LPP: variants seen among roughly 807,000 people sequenced by gnomAD.
The protein encoded by LPP is lipoma-preferred partner.
Under a neutral mutation model 60.4 loss-of-function variants are expected in LPP, and 38 were observed. The ratio of observed to expected loss-of-function variants is 0.63; its 90% CI spans 0.49 to 0.83. The LOEUF is 0.83. Among genes scored for constraint, LPP ranks in the 40% least tolerant of loss-of-function variants. The probability of loss-of-function intolerance (pLI) is 0.00; values close to 1 mark genes in which losing one functional copy is unlikely to be tolerated. For synonymous variants in LPP, 328 were observed against 290.8 expected, an observed-to-expected ratio of 1.13 and a Z score of -1.30; for missense variants, 902 against 783.6, an observed-to-expected ratio of 1.15 and a Z score of -1.80.
At chr3:188,313,491 A>T (rs779512273) in intron 2 of LPP, among the ~76,000 whole-genome samples, 4 of 152,098 alleles carry the variant, frequency 2.6e-5, no homozygotes, top group Admixed American at 1.3e-4. Flanking sequence ...TACAAAAATT[A>T]GCCAAGTGTG....
chr3:188,391,405 T>C (rs1396332504), intron 3 of LPP, among the ~76,000 whole-genome samples: 1 of 152,208 alleles, frequency 6.6e-6, no homozygotes, highest in East Asian at 1.9e-4. Context: ...ATTTGCTTGA[T>C]GAATTTGAAC....
intron 3 of LPP, among the ~76,000 whole-genome samples, chr3:188,398,671 G>A (rs1781532285): frequency 6.6e-6 from 1 of 152,226 alleles, no homozygotes; most frequent in African/African-American, 2.4e-5. Context: ...TAACAATTGT[G>A]TGTAATTTTC....
intron 1 of LPP, among the ~76,000 whole-genome samples, chr3:188,187,407 C>T (rs1247604736): frequency 6.6e-6 from 1 of 151,966 alleles, no homozygotes; most frequent in Non-Finnish European, 1.5e-5. Context: ...TGTAGTTGTT[C>T]AGAGTCATTC....
chr3:188,501,753 C>A lies in LPP; in HGVS notation c.306+17049C>A, dbSNP rs148538398. Among the ~76,000 whole-genome samples, 397 of 135,444 alleles carry A rather than the reference C, an allele frequency of 2.9e-3. 1 individual carries two copies. Among genetic ancestry groups the A allele is most frequent in the African/African-American group, 0.011 (380 of 35,736 alleles). The allele number at this position is 135,444 out of a possible 152,430, so 88.9% of individuals were successfully genotyped here. ...GACTCCATCTCAAAAAAAACAAAAA[C>A]CAAAAAACAAAATATTAGCCGGGCG... On this transcript the variant is annotated intron_variant, in intron 5 of 11. Coordinates refer to ENST00000617246, the MANE Select transcript of LPP (RefSeq NM_001375462.1).
intron 1 of LPP, among the ~76,000 whole-genome samples, chr3:188,177,621 G>A (rs539520379): frequency 3.3e-5 from 5 of 152,154 alleles, no homozygotes; most frequent in African/African-American, 9.7e-5. Context: ...TAGGTCTTAC[G>A]TGAGCCTCAG....
chr3:188,805,533 T>C (rs1184225447), intron 9 of LPP, among the ~76,000 whole-genome samples: 3 of 150,706 alleles, frequency 2.0e-5, no homozygotes, highest in Non-Finnish European at 4.4e-5. Context: ...GATTTTTTTT[T>C]CACAAAAGAA....
chr3:188,325,164 A>G (rs942446069), intron 2 of LPP, among the ~76,000 whole-genome samples: 1 of 152,042 alleles, frequency 6.6e-6, no homozygotes, highest in African/African-American at 2.4e-5. Context: ...TATTTTTAGT[A>G]GAGATGGGTT....
At chr3:188,247,066 G>A (rs1027068242) in intron 2 of LPP, 3 of 345,480 alleles carry the variant, frequency 8.7e-6, no homozygotes, top group Non-Finnish European at 1.2e-5. Context: ...AGACCTGTGT[G>A]TGACTGAGTT....
intron 6 of LPP, among the ~76,000 whole-genome samples, chr3:188,548,926 T>C (rs1010019950): frequency 6.6e-5 from 10 of 152,146 alleles, no homozygotes; most frequent in African/African-American, 2.4e-4. Flanking sequence ...ATCTAGGTAG[T>C]AGGAATAGGT....
chr3:188,775,055 GTT>G (rs58627957), intron 9 of LPP, among the ~76,000 whole-genome samples: 5 of 136,656 alleles, frequency 3.7e-5, no homozygotes, highest in African/African-American at 1.1e-4. Flanking sequence ...CATGCTTAGT[GTT>G]TTTTTTTTTT....
intron 6 of LPP, among the ~76,000 whole-genome samples, chr3:188,571,245 A>T (rs941769696): frequency 6.6e-6 from 1 of 152,104 alleles, no homozygotes. Context: ...ATTCATGTTC[A>T]TGTATAAACA....
intron 7 of LPP, among the ~76,000 whole-genome samples, chr3:188,649,660 T>G (rs1189903960): frequency 6.6e-6 from 1 of 152,192 alleles, no homozygotes; most frequent in South Asian, 2.1e-4. Flanking sequence ...GAAGGTTTTT[T>G]TTTATTATTA....
rs1331337213 is a variant in LPP, at chr3:188,602,163, TA to T, written c.430-6996del. On this transcript the variant is annotated intron_variant, in intron 6 of 11. Transcript: ENST00000617246. Reference sequence around the variant, plus strand: ...ATCTCATATATATATAATATATATATAATATATATATATTATATATATATAT... The same window carrying T: ...ATCTCATATATATATAATATATATATATATATATATATTATATATATATAT... 2.8e-3 allele frequency among the ~76,000 whole-genome samples: 294 copies of T among 103,492 alleles called. 19 individuals carry two copies. The highest frequency in any genetic ancestry group is 3.8e-3 in the Non-Finnish European group (174 of 46,098). 67.9% of individuals were successfully genotyped at this position (103,492 alleles called of 152,430 possible).
At chr3:188,490,482 C>A (rs941212268) in intron 5 of LPP, among the ~76,000 whole-genome samples, 8 of 151,116 alleles carry the variant, frequency 5.3e-5, no homozygotes, top group Non-Finnish European at 7.4e-5. Flanking sequence ...TGTCTCAGCC[C>A]ACCGAGTAGC....
intron 6 of LPP, among the ~76,000 whole-genome samples, chr3:188,602,189 T>TAATATATATATAATATATATATAA (rs1491142776): frequency 1.0e-5 from 1 of 95,662 alleles, no homozygotes; most frequent in African/African-American, 4.0e-5. Flanking sequence ...TATATATATA[T>TAATATATATATAATATATATATAA]GACATTCTTA....
intron 7 of LPP, among the ~76,000 whole-genome samples, chr3:188,635,346 T>C (rs1209916419): frequency 1.3e-5 from 2 of 152,192 alleles, no homozygotes; most frequent in African/African-American, 4.8e-5. Context: ...AGTTTGGATA[T>C]GTTTCTAAGT....
chr3:188,511,676 T>C (rs1336203129), intron 5 of LPP, among the ~76,000 whole-genome samples: 1 of 151,654 alleles, frequency 6.6e-6, no homozygotes, highest in Non-Finnish European at 1.5e-5. Flanking sequence ...TCTTTTTCTC[T>C]CTGATCCTTG....
chr3:188,290,153 T>A (rs1390028357), intron 2 of LPP, among the ~76,000 whole-genome samples: 1 of 152,102 alleles, frequency 6.6e-6, no homozygotes, highest in Non-Finnish European at 1.5e-5. Flanking sequence ...ATTTTGTATT[T>A]TTAATAGAGA....
intron 7 of LPP, among the ~76,000 whole-genome samples, chr3:188,639,210 C>T (rs1213921659): frequency 2.0e-5 from 3 of 152,050 alleles, no homozygotes; most frequent in African/African-American, 4.8e-5. Context: ...GAAATAACGC[C>T]GCATATCTAC....
Sources: allele counts gnomAD v4.1 joint callset (sites outside exome capture counted in the v4.1 genomes callset), GRCh38; gene constraint gnomAD v4.1.1; transcripts MANE v1.5; gene names NCBI Gene and HGNC (gene_info 2026-07-23, HGNC 2026-07-21).